BRIP1: variants seen among roughly 807,000 people sequenced by gnomAD.
BRIP1 encodes BRCA1 interacting DNA helicase 1, also known as Fanconi anemia group J protein.
BRIP1 carries 88 observed loss-of-function variants against 119.7 expected under a neutral mutation model. That is an observed-to-expected ratio of 0.74 (90% CI 0.62 to 0.88). The LOEUF (loss-of-function observed/expected upper bound fraction) is 0.88, where lower values mean the gene tolerates loss of function less well. Ranked by LOEUF, BRIP1 falls within the 40% of genes least tolerant of loss-of-function variation. The probability of loss-of-function intolerance (pLI) is 0.00; values close to 1 mark genes in which losing one functional copy is unlikely to be tolerated. For missense variants in BRIP1, 1,259 were observed against 1,455.4 expected (o/e 0.87, Z 2.20); for synonymous variants, 443 against 496.5 (o/e 0.89, Z 1.43).
intron 17 of BRIP1, among the ~76,000 whole-genome samples, chr17:61,707,628 T>G (rs1173769271): frequency 1.3e-5 from 2 of 152,202 alleles, no homozygotes; most frequent in Non-Finnish European, 2.9e-5. Context: ...AGCCCTATTA[T>G]GCATTTAAAA....
intron 4 of BRIP1, among the ~76,000 whole-genome samples, chr17:61,849,547 T>C (rs1019468099): frequency 6.6e-6 from 1 of 152,218 alleles, no homozygotes; most frequent in African/African-American, 2.4e-5. Context: ...ACTGCAAGGA[T>C]CTCTGAAGAA....
chr17:61,688,089 T>C (rs1392385698), intron 18 of BRIP1, among the ~76,000 whole-genome samples: 3 of 152,160 alleles, frequency 2.0e-5, no homozygotes. Context: ...CATCTTGGCT[T>C]TTCAAGGAGC....
Position 61,724,869 on chromosome 17 carries a change from A to C in BRIP1, c.2380-8806T>G, listed in dbSNP as rs1009939771. On this transcript the variant is annotated intron_variant, in intron 16 of 19. Transcript: ENST00000259008. The surrounding 1 kb of genome is among the most constrained non-coding windows in gnomAD (Gnocchi z 5.1). The stretch of plus-strand genomic sequence containing the variant: ...ACAGTTTTATCTTTAGCCAAGGTGC[A>C]GGGCCTAAAGCCTAAACATTTACAG... Among the ~76,000 whole-genome samples, 1 of 152,230 alleles carries C rather than the reference A, an allele frequency of 6.6e-6. No individual in the cohort carries two copies. Among genetic ancestry groups the C allele is most frequent in the Non-Finnish European group, 1.5e-5 (1 of 68,026 alleles).
At position 61,780,896 on chromosome 17, in the gene BRIP1, A is replaced by G; in HGVS notation, c.1738T>C (p.Ser580Pro). 6.2e-7 allele frequency: 1 copy of G among 1,614,194 alleles called. No individual in the cohort carries two copies. Among genetic ancestry groups the G allele is most frequent in the Non-Finnish European group, 8.5e-7 (1 of 1,180,034 alleles). ...ACATGAACTGCAGTTTTCTGTCGTG[A>G]ACGTTTCTTATTTTTTGGTAGAACC... The part of the protein sequence containing the change: ...LLVLPKNKKR[S>P]RQKTAVHVLN... Residue 580 changes from serine (S) to proline (P), a missense_variant, in exon 12 of 20, where the codon TCA becomes CCA. By Grantham distance (74) the Ser-to-Pro change is moderately conservative (BLOSUM62 -1). Around this residue, in one of 3 missense-constraint regions of BRIP1, gnomAD observed 753 missense variants for 891.8 expected, o/e 0.84. Transcript: ENST00000259008. This position sits in a 1 kb window ranked among gnomAD's most constrained non-coding sequence, Gnocchi z 5.4.
chr17:61,786,435 A>G (rs976422590), intron 10 of BRIP1, among the ~76,000 whole-genome samples: 1 of 151,986 alleles, frequency 6.6e-6, no homozygotes, highest in South Asian at 2.1e-4. Flanking sequence ...GGTCAGAGGA[A>G]TGCTTTTCTC....
At chr17:61,764,037 T>C (rs945236268) in intron 14 of BRIP1, among the ~76,000 whole-genome samples, 2 of 152,176 alleles carry the variant, frequency 1.3e-5, no homozygotes, top group African/African-American at 4.8e-5. Flanking sequence ...CAGCCACCCA[T>C]TGGTGACACC....
In BRIP1 at chr17:61,780,491, G is replaced by T; in HGVS notation, c.1795-90C>A. 2 of 1,171,296 alleles carry T rather than the reference G, an allele frequency of 1.7e-6. No individual in the cohort carries two copies. Among genetic ancestry groups the T allele is most frequent in the Non-Finnish European group, 2.5e-6 (2 of 785,032 alleles). 72.6% of individuals were successfully genotyped at this position (1,171,296 alleles called of 1,614,324 possible). ...ACCTGTAATCCCAGCACTTTGGGAGGCTGAAGCAGGAAGATCGCTTGAGTC... is the reference window on the plus strand; with the variant it reads ...ACCTGTAATCCCAGCACTTTGGGAGTCTGAAGCAGGAAGATCGCTTGAGTC... On this transcript the variant is annotated intron_variant, in intron 12 of 19. Transcript: ENST00000259008. This position sits in a 1 kb window ranked among gnomAD's most constrained non-coding sequence, Gnocchi z 5.4.
chr17:61,795,171 A>G lies in BRIP1; in HGVS notation c.1341-1442T>C, dbSNP rs528194773. ...GTACATGTTTTGATACAGGCATGCA[A>G]TATGTAATAATCACATCATGGAAGA... On this transcript the variant is annotated intron_variant, in intron 9 of 19. Transcript: ENST00000259008. This position sits in a 1 kb window ranked among gnomAD's most constrained non-coding sequence, Gnocchi z 5.6. Among the ~76,000 whole-genome samples, 39 of 152,184 alleles carry G rather than the reference A, an allele frequency of 2.6e-4. No homozygotes were observed. Among genetic ancestry groups the G allele is most frequent in the African/African-American group, 7.0e-4 (29 of 41,546 alleles).
chr17:61,682,725 T>C lies in BRIP1; in HGVS notation c.*571A>G, dbSNP rs2061286360. ...CAAATGGATGAAGAGAACCACCTAA[T>C]ATGAATATTTACGTGAAACTAGAAG... On this transcript the variant is annotated 3_prime_UTR_variant, in exon 20 of 20. Coordinates refer to ENST00000259008, the MANE Select transcript of BRIP1 (RefSeq NM_032043.3). This position sits in a 1 kb window ranked among gnomAD's most constrained non-coding sequence, Gnocchi z 4.9. 5.2e-6 allele frequency: 1 copy of C among 193,070 alleles called. No individual in the cohort carries two copies. Among genetic ancestry groups the C allele is most frequent in the African/African-American group, 2.3e-5 (1 of 43,148 alleles). The allele number at this position is 193,070 out of a possible 1,614,324, so 12.0% of individuals were successfully genotyped here.
rs140476577 is a variant in BRIP1, at chr17:61,713,822, G to A, written c.2492+2129C>T. Among the ~76,000 whole-genome samples the A allele has an allele frequency of 2.9e-3, 438 of 151,574 alleles. 16 individuals are homozygous for A. In the East Asian group the frequency reaches 0.076, roughly 26 times the overall value. On this transcript the variant is annotated intron_variant, in intron 17 of 19. Transcript: ENST00000259008. This position sits in a 1 kb window ranked among gnomAD's most constrained non-coding sequence, Gnocchi z 4.9. Reference sequence around the variant, plus strand: ...AGGCTTCAGCTATTGCGCTCCCCATGTCTTCATTTTTAACAGAAAAGTTTA... The same window carrying A: ...AGGCTTCAGCTATTGCGCTCCCCATATCTTCATTTTTAACAGAAAAGTTTA...
intron 9 of BRIP1, among the ~76,000 whole-genome samples, chr17:61,797,202 G>C (rs1158855491): frequency 6.6e-6 from 1 of 151,734 alleles, no homozygotes; most frequent in African/African-American, 2.4e-5. Flanking sequence ...ACTATTTAGG[G>C]AAAATAGAAC....
In BRIP1 at chr17:61,754,803, G is replaced by A. The variant is rs766130408; in HGVS notation, c.2098-10212C>T. ...TCCTCTCTATTCAGAGAGGAACAGG[G>A]AGAGAGAGCAATGAAGTTTTCTGGT... On this transcript the variant is annotated intron_variant, in intron 14 of 19. Transcript: ENST00000259008. The surrounding 1 kb of genome is among the most constrained non-coding windows in gnomAD (Gnocchi z 4.1). Among the ~76,000 whole-genome samples, 8 of 152,082 alleles carry A rather than the reference G, an allele frequency of 5.3e-5. No individual in the cohort carries two copies. Among genetic ancestry groups the A allele is most frequent in the Non-Finnish European group, 1.0e-4 (7 of 68,026 alleles).
At position 61,805,370 on chromosome 17, in the gene BRIP1, T is replaced by C. The variant is rs2078059838; in HGVS notation, c.918+3097A>G. ...TAGGAGGAAAGGACTCATCTAACTA[T>C]ATTTATTTAGGCCATTTTCTACATT... On this transcript the variant is annotated intron_variant, in intron 7 of 19. Transcript: ENST00000259008. This position sits in a 1 kb window ranked among gnomAD's most constrained non-coding sequence, Gnocchi z 5.6. Among the ~76,000 whole-genome samples the C allele has an allele frequency of 6.6e-6, 1 of 152,178 alleles. No individual in the cohort carries two copies. The highest frequency in any genetic ancestry group is 3.2e-3 in the Middle Eastern group (1 of 316).
At chr17:61,773,901 A>G (rs2077495761) in intron 14 of BRIP1, among the ~76,000 whole-genome samples, 1 of 152,186 alleles carries the variant, frequency 6.6e-6, no homozygotes, top group African/African-American at 2.4e-5. Flanking sequence ...ATCTCACACC[A>G]GTTAGAATGG....
chr17:61,729,236 G>A lies in BRIP1; in HGVS notation c.2380-13173C>T, dbSNP rs879839690. Among the ~76,000 whole-genome samples the A allele has an allele frequency of 6.6e-6, 1 of 151,958 alleles. No individual in the cohort carries two copies. Among genetic ancestry groups the A allele is most frequent in the Non-Finnish European group, 1.5e-5 (1 of 67,996 alleles). ...GGAGGTTGTGGTGAGCCAAGATCAC[G>A]CCATTGCACTCCAGCCTGGGAAACA... On this transcript the variant is annotated intron_variant, in intron 16 of 19. Transcript: ENST00000259008. The surrounding 1 kb of genome is among the most constrained non-coding windows in gnomAD (Gnocchi z 5.6).
At chr17:61,830,591 A>G (rs2378907) in intron 6 of BRIP1, among the ~76,000 whole-genome samples, 19,503 of 152,150 alleles carry the variant, frequency 0.13, 3,597 homozygotes, top group African/African-American at 0.41. Flanking sequence ...AAATTTATTG[A>G]AAGATACTAA....
At chr17:61,785,929 G>A (rs987060790) in intron 10 of BRIP1, among the ~76,000 whole-genome samples, 1 of 98,152 alleles carries the variant, frequency 1.0e-5, no homozygotes, top group African/African-American at 2.9e-5. Flanking sequence ...CAGCTGGGTT[G>A]GGGGGGGTAG....
Position 61,733,872 on chromosome 17 carries a change from A to T in BRIP1, c.2379+9141T>A, listed in dbSNP as rs551986310. ...AAATTATTTTAATCATTGTAAGGGCACTTCTGACAATGAAAAGTACCATCA... is the reference window on the plus strand; with the variant it reads ...AAATTATTTTAATCATTGTAAGGGCTCTTCTGACAATGAAAAGTACCATCA... On this transcript the variant is annotated intron_variant, in intron 16 of 19. Transcript: ENST00000259008. Among the ~76,000 whole-genome samples, 23 of 152,222 alleles carry T rather than the reference A, an allele frequency of 1.5e-4. 1 individual carries two copies. The East Asian group carries it at 3.9e-3, about 25-fold the overall frequency.
rs1029004491 is a variant in BRIP1, at chr17:61,701,466, T to C, written c.2493-7954A>G. On this transcript the variant is annotated intron_variant, in intron 17 of 19. Transcript: ENST00000259008. The surrounding 1 kb of genome is among the most constrained non-coding windows in gnomAD (Gnocchi z 5.1). ...TCTTTGCCAAGAGTCTCTGCATATA[T>C]TGGGGCATAATTTCAATCCTCAGCA... Among the ~76,000 whole-genome samples the C allele has an allele frequency of 3.3e-5, 5 of 152,196 alleles. No individual in the cohort carries two copies. Among genetic ancestry groups the C allele is most frequent in the Non-Finnish European group, 7.3e-5 (5 of 68,034 alleles).
Sources: gnomAD v4.1 joint callset for allele counts (sites outside exome capture counted in the v4.1 genomes callset) on GRCh38, gnomAD v4.1.1 for gene constraint, gnomAD v4.1.1 regional missense constraint, Gnocchi (gnomAD v3.1) non-coding constraint, MANE v1.5 for transcripts, NCBI Gene and HGNC (gene_info 2026-07-23, HGNC 2026-07-21) for gene names.